The following TRPM8 variants were observed in gnomAD, a reference collection of about 807,000 sequenced individuals.
TRPM8 encodes the protein TRPM8 cationic channel.
In TRPM8, 110 loss-of-function variants were observed where a neutral mutation model predicts 133.7. The observed-to-expected ratio is 0.82, with a 90% confidence interval of 0.70 to 0.96. The LOEUF (loss-of-function observed/expected upper bound fraction) is 0.96, where lower values mean the gene tolerates loss of function less well. TRPM8 is among the 40% of genes least tolerant of loss of function. The probability of loss-of-function intolerance (pLI) is 0.00; values close to 1 mark genes in which losing one functional copy is unlikely to be tolerated. For missense variants in TRPM8, 1,291 were observed against 1,379.5 expected, an observed-to-expected ratio of 0.94 and a Z score of 1.02; for synonymous variants, 535 against 532.3, an observed-to-expected ratio of 1.01 and a Z score of -0.07.
At chr2:233,995,729 C>T (rs1055091552) in intron 21 of TRPM8, among the ~76,000 whole-genome samples, 1 of 151,706 alleles carries the variant, frequency 6.6e-6, no homozygotes. Flanking sequence ...CTTTCTTTCT[C>T]TTTGAGTAGG....
At chr2:233,970,174 C>A (rs751335420) in intron 16 of TRPM8, 36 bp from the exon 17 acceptor site, 6 of 1,588,424 alleles carry the variant, frequency 3.8e-6, no homozygotes, top group Non-Finnish European at 5.2e-6. Context: ...CCCATGCTTG[C>A]AAGGATGCTG....
intron 3 of TRPM8, 127 bp downstream of exon 3, chr2:233,930,868 CTGTT>C: frequency 1.6e-6 from 1 of 637,584 alleles, no homozygotes; most frequent in Non-Finnish European, 2.7e-6. Context: ...CTCAGAAACA[CTGTT>C]TGCGCAGGAA....
At chr2:233,994,923 C>A (rs1410103375) in intron 21 of TRPM8, among the ~76,000 whole-genome samples, 1 of 152,186 alleles carries the variant, frequency 6.6e-6, no homozygotes. Context: ...GATGGTTGAA[C>A]TTTGCAAATT....
intron 11 of TRPM8, among the ~76,000 whole-genome samples, chr2:233,956,568 C>T (rs1423008760): frequency 6.6e-6 from 1 of 152,100 alleles, no homozygotes; most frequent in East Asian, 1.9e-4. Context: ...TAATTTTATA[C>T]ATGTATGTAT....
intron 1 of TRPM8, among the ~76,000 whole-genome samples, chr2:233,923,429 G>T (rs1378378588): frequency 4.6e-5 from 7 of 152,174 alleles, no homozygotes; most frequent in Non-Finnish European, 1.0e-4. Context: ...AGCTAGGTGT[G>T]GTGCAGCTGT....
intron 23 of TRPM8, among the ~76,000 whole-genome samples, chr2:234,007,514 C>G (rs1692724330): frequency 6.6e-6 from 1 of 152,162 alleles, no homozygotes; most frequent in African/African-American, 2.4e-5. Context: ...TAAGTCATAG[C>G]TAAGTCTGTA....
chr2:233,983,486 G>C (rs1692066496), intron 20 of TRPM8: 1 of 444,626 alleles, frequency 2.2e-6, no homozygotes, highest in African/African-American at 2.0e-5. Context: ...TTAACAATGT[G>C]GCAATTGAAG....
intron 17 of TRPM8, among the ~76,000 whole-genome samples, chr2:233,972,601 C>G (rs565380037): frequency 6.6e-6 from 1 of 152,228 alleles, no homozygotes; most frequent in African/African-American, 2.4e-5. Context: ...CTGCAGGTCC[C>G]GAGCCCTGCC....
chr2:233,929,215 T>C (rs1460242182), intron 2 of TRPM8, among the ~76,000 whole-genome samples: 2 of 152,012 alleles, frequency 1.3e-5, no homozygotes, highest in Non-Finnish European at 2.9e-5. Flanking sequence ...AACTGGAAAA[T>C]ATTATTTGAG....
chr2:234,010,581 T>C (rs562060440), intron 24 of TRPM8, among the ~76,000 whole-genome samples: 1 of 152,314 alleles, frequency 6.6e-6, no homozygotes, highest in South Asian at 2.1e-4. Context: ...AATAGCTATA[T>C]CAACTTACCT....
chr2:233,959,325 C>CT (rs778556639), intron 11 of TRPM8, among the ~76,000 whole-genome samples: 6,701 of 106,220 alleles, frequency 0.063, 815 homozygotes, highest in African/African-American at 0.22. Flanking sequence ...CTCGCCCAGC[C>CT]TTTTTTTTTT....
intron 7 of TRPM8, 76 bp downstream of exon 7, chr2:233,946,106 A>G: frequency 7.2e-7 from 1 of 1,383,946 alleles, no homozygotes; most frequent in Non-Finnish European, 1.0e-6. Context: ...AATCACTACC[A>G]ACTATTGAGT....
intron 25 of TRPM8, among the ~76,000 whole-genome samples, chr2:234,016,639 G>A (rs892337368): frequency 3.9e-5 from 6 of 152,226 alleles, no homozygotes; most frequent in East Asian, 1.9e-4. Flanking sequence ...CTTTGATCCC[G>A]GAACTTGGGA....
rs187883226 is a variant in TRPM8 at position 233,974,450 on chromosome 2, T to A, written c.2355+4024T>A. ...GGTTTCACCATGTTGGCCAGGATGG[T>A]CTCAATCTCTTGACCTTGTGATCCA... On this transcript the variant is annotated intron_variant, in intron 17 of 25. Coordinates refer to ENST00000324695, the MANE Select transcript of TRPM8 (RefSeq NM_024080.5). Among the ~76,000 whole-genome samples the A allele has an allele frequency of 2.2e-3, 339 of 152,290 alleles. 1 individual carries two copies. Among genetic ancestry groups the A allele is most frequent in the Non-Finnish European group, 3.8e-3 (258 of 68,022 alleles).
chr2:234,012,502 T>G (rs1692867229), intron 24 of TRPM8, among the ~76,000 whole-genome samples: 1 of 150,974 alleles, frequency 6.6e-6, no homozygotes, highest in Non-Finnish European at 1.5e-5. Flanking sequence ...TGTGTGAGTG[T>G]GTGTAGTCTT....
intron 1 of TRPM8, among the ~76,000 whole-genome samples, chr2:233,923,616 C>T (rs573485787): frequency 4.6e-5 from 7 of 152,184 alleles, no homozygotes; most frequent in Non-Finnish European, 8.8e-5. Flanking sequence ...TGGGGTCACA[C>T]GGTGCTGCCA....
At chr2:233,969,833 TGTGA>T (rs766843762) in intron 16 of TRPM8, 26 bp downstream of exon 16, 12 of 1,364,528 alleles carry the variant, frequency 8.8e-6, no homozygotes, top group East Asian at 4.6e-5. Flanking sequence ...CATAATCGTG[TGTGA>T]GTGTGTGTGC....
At chr2:233,959,182 C>T (rs1240634793) in intron 11 of TRPM8, among the ~76,000 whole-genome samples, 3 of 151,962 alleles carry the variant, frequency 2.0e-5, no homozygotes, top group Admixed American at 6.6e-5. Context: ...TGCGCCACCA[C>T]GCCCAGCTAA....
intron 3 of TRPM8, among the ~76,000 whole-genome samples, chr2:233,934,900 G>A (rs532984380): frequency 6.6e-6 from 1 of 152,318 alleles, no homozygotes; most frequent in South Asian, 2.1e-4. Context: ...TTACCATCTT[G>A]TAAATGAAAA....
Sources: allele counts gnomAD v4.1 joint callset (sites outside exome capture counted in the v4.1 genomes callset), GRCh38; gene constraint gnomAD v4.1.1; transcripts MANE v1.5; gene names NCBI Gene and HGNC (gene_info 2026-07-23, HGNC 2026-07-21).